The following RHBDD1 variants were observed in gnomAD, a reference collection of about 807,000 sequenced individuals.
RHBDD1 encodes rhomboid-related protein 4.
Under a neutral mutation model 36.3 loss-of-function variants are expected in RHBDD1, and 38 were observed. That is an observed-to-expected ratio of 1.05 (90% CI 0.81 to 1.37). The LOEUF is 1.37. RHBDD1 is among the 40% of genes most tolerant of loss of function. The pLI is 0.00. For missense variants in RHBDD1, 393 were observed against 377.6 expected, an observed-to-expected ratio of 1.04 and a Z score of -0.34; for synonymous variants, 151 against 136.5, an observed-to-expected ratio of 1.11 and a Z score of -0.74.
chr2:226,886,678 G>A (rs751558949), intron 5 of RHBDD1, among the ~76,000 whole-genome samples: 34 of 152,142 alleles, frequency 2.2e-4, no homozygotes, highest in South Asian at 4.1e-4. Flanking sequence ...AACTGAACGT[G>A]AAGAAAAGGC....
At chr2:226,869,858 T>C (rs1227607889) in intron 5 of RHBDD1, among the ~76,000 whole-genome samples, 1 of 152,178 alleles carries the variant, frequency 6.6e-6, no homozygotes, top group Non-Finnish European at 1.5e-5. Context: ...TGAAGGGGTG[T>C]CCCAGGAGGG....
intron 8 of RHBDD1, among the ~76,000 whole-genome samples, chr2:226,978,990 G>A (rs1203738633): frequency 3.3e-5 from 5 of 152,170 alleles, no homozygotes; most frequent in African/African-American, 1.2e-4. Context: ...ATGTAGGTAT[G>A]TATAAAAAAG....
Position 226,967,552 on chromosome 2 carries a change from A to G in RHBDD1, c.857-27879A>G, listed in dbSNP as rs542732693. Among the ~76,000 whole-genome samples, 30 of 112,748 alleles carry G rather than the reference A, an allele frequency of 2.7e-4. No individual in the cohort carries two copies. In the South Asian group the frequency reaches 8.9e-3, roughly 34 times the overall value. 74.0% of individuals were successfully genotyped at this position (112,748 alleles called of 152,430 possible). On this transcript the variant is annotated intron_variant, in intron 8 of 8. Coordinates refer to ENST00000392062, the MANE Select transcript of RHBDD1 (RefSeq NM_001167608.3). ...CTCCCCCCTCCCTTATCCCACCTCT[A>G]ACTTTCTGCATGTGATGGCTTTTTG...
intron 5 of RHBDD1, among the ~76,000 whole-genome samples, chr2:226,905,942 A>G (rs1306342844): frequency 1.3e-5 from 2 of 152,010 alleles, no homozygotes; most frequent in Non-Finnish European, 2.9e-5. Flanking sequence ...ATTGAGGTCA[A>G]GTGCTTAAAG....
At chr2:226,880,294 T>A (rs766081236) in intron 5 of RHBDD1, among the ~76,000 whole-genome samples, 131 of 152,286 alleles carry the variant, frequency 8.6e-4, no homozygotes, top group Non-Finnish European at 1.5e-3. Context: ...AGGGGACATT[T>A]TTCTTCTGCA....
intron 8 of RHBDD1, among the ~76,000 whole-genome samples, chr2:226,994,817 T>C (rs73994325): frequency 0.034 from 5,252 of 152,286 alleles, 288 homozygotes; most frequent in African/African-American, 0.12. Context: ...TTTGCATCCC[T>C]AAGAAACTCT....
chr2:226,988,355 A>T, intron 8 of RHBDD1: 1 of 1,550,212 alleles, frequency 6.5e-7, no homozygotes, highest in Non-Finnish European at 8.7e-7. Context: ...TAAAGAGACA[A>T]TGGCAAGTCT....
intron 8 of RHBDD1, among the ~76,000 whole-genome samples, chr2:226,929,181 C>A (rs1949855477): frequency 6.6e-6 from 1 of 151,838 alleles, no homozygotes; most frequent in Non-Finnish European, 1.5e-5. Flanking sequence ...ACCAAAGCCA[C>A]AAAAGGACAT....
chr2:226,855,943 T>A (rs1943277919), intron 3 of RHBDD1, among the ~76,000 whole-genome samples: 1 of 152,206 alleles, frequency 6.6e-6, no homozygotes, highest in Admixed American at 6.5e-5. Context: ...ATCCCTACTC[T>A]AATTCCCTCT....
At chr2:226,812,601 G>A in the RHBDD1 span, among the ~76,000 whole-genome samples, 1 of 152,178 alleles carries the variant, frequency 6.6e-6, no homozygotes, top group African/African-American at 2.4e-5. Flanking sequence ...ATGGTGGGGG[G>A]AAAAGTAAGG....
intron 8 of RHBDD1, among the ~76,000 whole-genome samples, chr2:226,978,512 G>C (rs1463328227): frequency 1.3e-5 from 2 of 152,118 alleles, no homozygotes; most frequent in Non-Finnish European, 2.9e-5. Flanking sequence ...CCTACGTCGA[G>C]CCTCAGTCTT....
At chr2:226,886,933 A>C (rs934617836) in intron 5 of RHBDD1, among the ~76,000 whole-genome samples, 2 of 152,108 alleles carry the variant, frequency 1.3e-5, no homozygotes, top group African/African-American at 2.4e-5. Flanking sequence ...ATAAAGGCAA[A>C]TTTTAATAAA....
At chr2:226,992,321 T>C (rs1575578257) in intron 8 of RHBDD1, among the ~76,000 whole-genome samples, 1 of 152,202 alleles carries the variant, frequency 6.6e-6, no homozygotes, top group African/African-American at 2.4e-5. Flanking sequence ...AAATAAGTTT[T>C]TATGCTTAAA....
At chr2:226,926,334 T>C (rs1177118074) in intron 8 of RHBDD1, among the ~76,000 whole-genome samples, 2 of 152,156 alleles carry the variant, frequency 1.3e-5, no homozygotes, top group Non-Finnish European at 2.9e-5. Context: ...AGTCCAAATA[T>C]GAAATTTTCT....
At chr2:226,987,093 C>T (rs189562163) in intron 8 of RHBDD1, among the ~76,000 whole-genome samples, 14 of 152,260 alleles carry the variant, frequency 9.2e-5, no homozygotes, top group African/African-American at 2.6e-4. Context: ...AACCAAACAC[C>T]GCATGTTCTC....
rs567990775 is a variant in RHBDD1, at chr2:226,968,529, C to T, written c.857-26902C>T. On this transcript the variant is annotated intron_variant, in intron 8 of 8. Transcript: ENST00000392062. ...GTCAGCTGATTATGGACTTTAATCA[C>T]ATCTACCAGATGCCTTCACAGCAGC... 9.1e-4 allele frequency among the ~76,000 whole-genome samples: 138 copies of T among 152,328 alleles called. 1 individual carries two copies. Among genetic ancestry groups the T allele is most frequent in the African/African-American group, 3.2e-3 (131 of 41,572 alleles).
the RHBDD1 span, among the ~76,000 whole-genome samples, chr2:226,821,422 T>C: frequency 1.3e-5 from 2 of 152,126 alleles, no homozygotes; most frequent in Admixed American, 1.3e-4. Flanking sequence ...TCCACAGTCA[T>C]TGACTTTGTT....
At chr2:226,970,587 G>A (rs563832001) in intron 8 of RHBDD1, among the ~76,000 whole-genome samples, 7 of 152,306 alleles carry the variant, frequency 4.6e-5, no homozygotes, top group South Asian at 2.1e-4. Context: ...GGGCTGCTCA[G>A]GCAGCAGGTG....
intron 5 of RHBDD1, among the ~76,000 whole-genome samples, chr2:226,872,981 T>C (rs1225096985): frequency 6.6e-6 from 1 of 152,232 alleles, no homozygotes; most frequent in Non-Finnish European, 1.5e-5. Context: ...GTTTTGACTA[T>C]ATGAATGAGA....
Sources: gnomAD v4.1 joint callset for allele counts (sites outside exome capture counted in the v4.1 genomes callset) on GRCh38, gnomAD v4.1.1 for gene constraint, MANE v1.5 for transcripts, NCBI Gene and HGNC (gene_info 2026-07-23, HGNC 2026-07-21) for gene names.